Variants in IFT57 observed in about 807,000 individuals in gnomAD.
The protein encoded by IFT57 is intraflagellar transport 57, also known as intraflagellar transport protein 57 homolog.
IFT57 carries 59 observed loss-of-function variants against 56.8 expected under a neutral mutation model. The ratio of observed to expected loss-of-function variants is 1.04; its 90% CI spans 0.84 to 1.29. The LOEUF is 1.29. IFT57 is among the 50% of genes most tolerant of loss of function. The pLI, the probability that IFT57 is intolerant of heterozygous loss-of-function variation, is 0.00. For synonymous variants in IFT57, 209 were observed against 186.1 expected, an observed-to-expected ratio of 1.12 and a Z score of -1.00; for missense variants, 470 against 522.1, an observed-to-expected ratio of 0.90 and a Z score of 0.97.
At chr3:108,211,933 G>A (rs1288617721) in intron 4 of IFT57, among the ~76,000 whole-genome samples, 1 of 152,146 alleles carries the variant, frequency 6.6e-6, no homozygotes, top group African/African-American at 2.4e-5. Context: ...ATAGCATATA[G>A]TATAAGTTAC....
At chr3:108,193,914 A>G (rs1267075285) in intron 5 of IFT57, among the ~76,000 whole-genome samples, 1 of 152,192 alleles carries the variant, frequency 6.6e-6, no homozygotes, top group Non-Finnish European at 1.5e-5. Flanking sequence ...TTTCTATACC[A>G]CACAGGATAG....
chr3:108,189,841 ATATG>A (rs1190883777), intron 6 of IFT57, among the ~76,000 whole-genome samples: 1 of 152,230 alleles, frequency 6.6e-6, no homozygotes, highest in Non-Finnish European at 1.5e-5. Flanking sequence ...TCCTTATGTT[ATATG>A]TATTATATAC....
At chr3:108,189,017 T>C (rs970788046) in intron 6 of IFT57, among the ~76,000 whole-genome samples, 1 of 152,240 alleles carries the variant, frequency 6.6e-6, no homozygotes, top group Non-Finnish European at 1.5e-5. Context: ...CACATCATTA[T>C]AACCAGAATC....
intron 7 of IFT57, among the ~76,000 whole-genome samples, chr3:108,167,591 T>C (rs1399517845): frequency 1.3e-5 from 2 of 149,606 alleles, no homozygotes; most frequent in Admixed American, 6.7e-5. Flanking sequence ...TATATATACA[T>C]ATATATAGCT....
chr3:108,168,852 C>T (rs536580895), intron 6 of IFT57, among the ~76,000 whole-genome samples: 3 of 152,148 alleles, frequency 2.0e-5, no homozygotes, highest in Admixed American at 2.0e-4. Context: ...GCATGGTATT[C>T]CACAGTGTAT....
chr3:108,165,998 G>A (rs2080060511), intron 8 of IFT57, among the ~76,000 whole-genome samples: 1 of 151,998 alleles, frequency 6.6e-6, no homozygotes, highest in African/African-American at 2.4e-5. Flanking sequence ...GCTTTGATCA[G>A]AGAGTTTTAC....
intron 5 of IFT57, among the ~76,000 whole-genome samples, chr3:108,199,626 G>A (rs1489114138): frequency 2.0e-5 from 3 of 152,190 alleles, no homozygotes; most frequent in Non-Finnish European, 4.4e-5. Flanking sequence ...TATAGGCAAG[G>A]TGCAATCACT....
chr3:108,218,518 G>A lies in IFT57; in HGVS notation c.494+17C>T, dbSNP rs930771186. The A allele has an allele frequency of 2.5e-6, 3 of 1,192,702 alleles. No homozygotes were observed. The Admixed American group carries it at 6.7e-5, about 26-fold the overall frequency. 73.9% of individuals were successfully genotyped at this position (1,192,702 alleles called of 1,614,324 possible). A position where few individuals can be genotyped will look rare whatever the true frequency, so the allele number is the denominator to read the frequency against. ...TATGCCCATAAAATTACTATCATCA[G>A]GGTGGGTAATTTTTACCTTTTCCAG... On this transcript the variant is annotated intron_variant, in intron 3 of 10. Coordinates refer to ENST00000264538, the MANE Select transcript of IFT57 (RefSeq NM_018010.4).
At chr3:108,183,656 G>GT (rs1576036609) in intron 6 of IFT57, among the ~76,000 whole-genome samples, 1 of 152,110 alleles carries the variant, frequency 6.6e-6, no homozygotes, top group East Asian at 1.9e-4. Flanking sequence ...ACACATGACG[G>GT]TGGCTGACAC....
At chr3:108,204,603 TCTA>T (rs1175312537) in intron 5 of IFT57, among the ~76,000 whole-genome samples, 5 of 152,192 alleles carry the variant, frequency 3.3e-5, no homozygotes, top group African/African-American at 7.2e-5. Flanking sequence ...TGTGTGCATC[TCTA>T]CTTTTATTTT....
chr3:108,206,821 T>C (rs2080316632), intron 4 of IFT57, 125 bp from the exon 5 acceptor site: 4 of 250,484 alleles, frequency 1.6e-5, no homozygotes, highest in South Asian at 1.6e-4. Context: ...GAAAAGGGTA[T>C]TTAAAAGCCT....
chr3:108,185,658 T>C (rs920861620), intron 6 of IFT57, among the ~76,000 whole-genome samples: 2 of 149,504 alleles, frequency 1.3e-5, no homozygotes, highest in East Asian at 4.1e-4. Flanking sequence ...TCCTGGATTC[T>C]AGCGATTCTC....
chr3:108,168,863 A>G lies in IFT57; in HGVS notation c.778-999T>C, dbSNP rs114877203. 7.6e-3 allele frequency among the ~76,000 whole-genome samples: 1,155 copies of G among 152,150 alleles called. 17 individuals are homozygous for G. Among genetic ancestry groups the G allele is most frequent in the African/African-American group, 0.024 (994 of 41,520 alleles). On this transcript the variant is annotated intron_variant, in intron 6 of 10. Coordinates refer to ENST00000264538, the MANE Select transcript of IFT57 (RefSeq NM_018010.4). ...GGCTGCATGGTATTCCACAGTGTAT[A>G]TGTGCCATACTTTCTTTATTCAGTC...
Position 108,162,358 on chromosome 3 carries a change from G to C in IFT57, c.*119C>G, listed in dbSNP as rs1157857306. 1 of 672,344 alleles carries C rather than the reference G, an allele frequency of 1.5e-6. No homozygotes were observed. The highest frequency in any genetic ancestry group is 2.5e-6 in the Non-Finnish European group (1 of 400,142). The allele number at this position is 672,344 out of a possible 1,614,324, so 41.6% of individuals were successfully genotyped here. The stretch of plus-strand genomic sequence containing the variant: ...ATAATCACCATGATATAATATGTGA[G>C]TATGTATATGTAAAAAAATACCCAT... On this transcript the variant is annotated 3_prime_UTR_variant, in exon 11 of 11. Coordinates refer to ENST00000264538, the MANE Select transcript of IFT57 (RefSeq NM_018010.4).
chr3:108,222,160 G>C lies in IFT57; in HGVS notation c.163C>G (p.Arg55Gly), dbSNP rs1216069539. The C allele has an allele frequency of 3.1e-6, 5 of 1,613,596 alleles. No homozygotes were observed. The highest frequency in any genetic ancestry group is 1.1e-5 in the South Asian group (1 of 91,008). ...EDLVEKLKLL[R>G]YEEEFLRKSN... is the part of the protein sequence containing the mutation. ...TTCCGGAGGAACTCCTCCTCGTAGC[G>C]GAGCAGCTTCAGCTTCTCCACCAAG... Residue 55 changes from arginine to glycine, a missense_variant, in exon 1 of 11, where the codon CGC (arginine) becomes GGC (glycine). Transcript: ENST00000264538.
chr3:108,186,796 C>T (rs2080185984), intron 6 of IFT57, among the ~76,000 whole-genome samples: 1 of 152,108 alleles, frequency 6.6e-6, no homozygotes, highest in Non-Finnish European at 1.5e-5. Flanking sequence ...CCTCCTCCTT[C>T]CTCAGCCTTC....
chr3:108,184,094 CA>C (rs1164978880), intron 6 of IFT57, among the ~76,000 whole-genome samples: 1 of 152,172 alleles, frequency 6.6e-6, no homozygotes, highest in Non-Finnish European at 1.5e-5. Flanking sequence ...CATCCTCAGA[CA>C]GTCAGTTTCT....
intron 5 of IFT57, among the ~76,000 whole-genome samples, chr3:108,194,686 T>C (rs1018388052): frequency 2.0e-5 from 3 of 152,086 alleles, no homozygotes; most frequent in African/African-American, 4.8e-5. Flanking sequence ...TTTAAATCCA[T>C]GCATTTATAG....
chr3:108,172,475 A>G (rs1280569820), intron 6 of IFT57, among the ~76,000 whole-genome samples: 1 of 151,924 alleles, frequency 6.6e-6, no homozygotes, highest in Non-Finnish European at 1.5e-5. Context: ...TTTAAAGATA[A>G]GTGTATGTTT....
Sources: allele counts gnomAD v4.1 joint callset (sites outside exome capture counted in the v4.1 genomes callset), GRCh38; gene constraint gnomAD v4.1.1; transcripts MANE v1.5; gene names NCBI Gene and HGNC (gene_info 2026-07-23, HGNC 2026-07-21).